Variants in INTS4 observed in about 807,000 individuals in gnomAD.
INTS4 encodes integrator complex subunit 4.
A neutral mutation model predicts 119.5 loss-of-function variants in INTS4; 70 were observed. The observed-to-expected ratio is 0.59, with a 90% confidence interval of 0.48 to 0.71. The LOEUF is 0.71. Ranked by LOEUF, INTS4 falls within the 30% of genes least tolerant of loss-of-function variation. The pLI, the probability that INTS4 is intolerant of heterozygous loss-of-function variation, is 0.00. For synonymous variants in INTS4, 316 were observed against 419.6 expected, an observed-to-expected ratio of 0.75 and a Z score of 3.02; for missense variants, 867 against 1,173.2, an observed-to-expected ratio of 0.74 and a Z score of 3.81.
chr11:77,941,458 C>CTTTTTTT (rs35544689), intron 8 of INTS4, among the ~76,000 whole-genome samples: 3 of 138,456 alleles, frequency 2.2e-5, no homozygotes, highest in Non-Finnish European at 1.5e-5. Flanking sequence ...ACCTACTGTG[C>CTTTTTTT]TTTTTTTTTT....
At chr11:77,900,114 T>C (rs1184585301) in intron 18 of INTS4, among the ~76,000 whole-genome samples, 18 of 147,694 alleles carry the variant, frequency 1.2e-4, no homozygotes, top group Non-Finnish European at 2.7e-4. Context: ...TTTTTTTTTA[T>C]ATAAAGATGG....
Position 77,928,383 on chromosome 11 carries a change from G to A in INTS4, c.1330C>T (p.Leu444Phe), listed in dbSNP as rs1953562462. The change falls in exon 11 of 23, where the codon CTC (leucine) becomes TTC (phenylalanine). Residue 444 changes from leucine (L) to phenylalanine (F), a missense_variant. Leu to Phe is a conservative substitution (Grantham distance 22). Transcript: ENST00000534064. Reference sequence around the variant, plus strand: ...ACAGTGTCAAGCTGATCTTCTCGGAGGGTGATGTTGTTAGAGATTTTTCTC... The same window carrying A: ...ACAGTGTCAAGCTGATCTTCTCGGAAGGTGATGTTGTTAGAGATTTTTCTC... ...TMRKISNNIT[L>F]REDQLDTVLA... 3 of 1,613,142 alleles carry A rather than the reference G, an allele frequency of 1.9e-6. No homozygotes were observed. The highest frequency in any genetic ancestry group is 1.7e-6 in the Non-Finnish European group (2 of 1,179,430).
In INTS4 at chr11:77,940,634, G is replaced by A. The variant is rs528353107; in HGVS notation, c.990+546C>T. ...GGTTTTCTGGGGTTTTTTGGTTGTT[G>A]TTTTTTGGGTTTTGTTTTTTGAGAC... On this transcript the variant is annotated intron_variant, in intron 9 of 22. Transcript: ENST00000534064. Among the ~76,000 whole-genome samples, 5 of 152,120 alleles carry A rather than the reference G, an allele frequency of 3.3e-5. No individual in the cohort carries two copies. The East Asian group carries it at 7.7e-4, about 24-fold the overall frequency.
intron 10 of INTS4, among the ~76,000 whole-genome samples, chr11:77,933,102 GT>G (rs1953695870): frequency 6.6e-6 from 1 of 151,994 alleles, no homozygotes; most frequent in East Asian, 1.9e-4. Flanking sequence ...GAACTCAAAA[GT>G]ATAAAAAAAA....
chr11:77,901,025 A>G (rs1952761811), intron 18 of INTS4, among the ~76,000 whole-genome samples: 1 of 152,236 alleles, frequency 6.6e-6, no homozygotes. Flanking sequence ...TTCCCAGTAC[A>G]TCCTCTTAAT....
chr11:77,937,859 T>TTTATTTA (rs1953838771), intron 10 of INTS4, among the ~76,000 whole-genome samples: 1 of 129,408 alleles, frequency 7.7e-6, no homozygotes, highest in Non-Finnish European at 1.7e-5. Context: ...TTATTTATTT[T>TTTATTTA]TTGAGACAGA....
At chr11:77,927,960 A>G (rs560098229) in intron 11 of INTS4, among the ~76,000 whole-genome samples, 67 of 152,218 alleles carry the variant, frequency 4.4e-4, no homozygotes, top group African/African-American at 1.6e-3. Flanking sequence ...TTCTCCTTTA[A>G]AAAAGATGCA....
At position 77,935,903 on chromosome 11, in the gene INTS4, A is replaced by AAAAAAAAAGAAAAGAAAGAGAG. The variant is rs371708032; in HGVS notation, c.1165+2747_1165+2748insCTCTCTTTCTTTTCTTTTTTTT. ...AGAGCAAGATCCTGTCTCAAAAAAA[A>AAAAAAAAAGAAAAGAAAGAGAG]AAAAAAGAAAAGAAGAGGTTTTGCG... On this transcript the variant is annotated intron_variant, in intron 10 of 22. Transcript: ENST00000534064. 1.9e-3 allele frequency among the ~76,000 whole-genome samples: 161 copies of AAAAAAAAAGAAAAGAAAGAGAG among 86,978 alleles called. 6 individuals carry two copies. Among genetic ancestry groups the AAAAAAAAAGAAAAGAAAGAGAG allele is most frequent in the African/African-American group, 8.3e-3 (152 of 18,260 alleles). 57.1% of individuals were successfully genotyped at this position (86,978 alleles called of 152,430 possible).
At chr11:77,960,869 C>T in intron 5 of INTS4, 84 bp downstream of exon 5, 2 of 1,211,854 alleles carry the variant, frequency 1.7e-6, no homozygotes, top group Non-Finnish European at 1.2e-6. Context: ...GAAGAATTTA[C>T]AATGTATCCA....
At chr11:77,914,242 A>G (rs956862518) in intron 15 of INTS4, among the ~76,000 whole-genome samples, 5 of 152,204 alleles carry the variant, frequency 3.3e-5, no homozygotes, top group Non-Finnish European at 7.3e-5. Flanking sequence ...ACTGCCTAGC[A>G]AGACTATCAT....
chr11:77,881,869 C>T (rs899789847), intron 22 of INTS4, among the ~76,000 whole-genome samples: 1 of 151,262 alleles, frequency 6.6e-6, no homozygotes, highest in Non-Finnish European at 1.5e-5. Context: ...GACTGGGTAG[C>T]GACCATTCAG....
At chr11:77,920,154 T>TATACACACATATATATACATATAC (rs1555026335) in intron 14 of INTS4, among the ~76,000 whole-genome samples, 21 of 123,354 alleles carry the variant, frequency 1.7e-4, no homozygotes, top group Non-Finnish European at 3.3e-4. Flanking sequence ...ACCATATATA[T>TATACACACATATATATACATATAC]ATATACACAT....
chr11:77,914,184 A>T (rs1283616501), intron 15 of INTS4, among the ~76,000 whole-genome samples: 1 of 152,166 alleles, frequency 6.6e-6, no homozygotes, highest in African/African-American at 2.4e-5. Flanking sequence ...ATACACACTC[A>T]AGCTAGAAAC....
chr11:77,987,183 T>C (rs1387789001), intron 2 of INTS4: 1 of 152,284 alleles, frequency 6.6e-6, no homozygotes, highest in African/African-American at 2.4e-5. Context: ...AATGGGTACA[T>C]GGGAATTAAT....
chr11:77,881,475 C>T (rs1456420669), intron 22 of INTS4, among the ~76,000 whole-genome samples: 3 of 152,200 alleles, frequency 2.0e-5, no homozygotes, highest in Admixed American at 1.3e-4. Context: ...CCGGAAGGGA[C>T]ATAGCACAGT....
chr11:77,878,345 C>A (rs191718687), downstream of INTS4, among the ~76,000 whole-genome samples: 2 of 148,384 alleles, frequency 1.3e-5, no homozygotes, highest in East Asian at 3.9e-4. Context: ...CTGAGCGACA[C>A]AGCAAGACTC....
chr11:77,991,557 C>CTT (rs368378022), intron 1 of INTS4, among the ~76,000 whole-genome samples: 300 of 148,214 alleles, frequency 2.0e-3, no homozygotes, highest in African/African-American at 7.0e-3. Flanking sequence ...AATAGGTATA[C>CTT]TTTTTTTTTT....
chr11:77,900,354 C>T (rs895797369), intron 18 of INTS4, among the ~76,000 whole-genome samples: 8 of 152,156 alleles, frequency 5.3e-5, no homozygotes, highest in African/African-American at 1.9e-4. Context: ...CCACCTTGGC[C>T]TCCCAAAGTG....
At chr11:77,972,362 G>C (rs922684240) in intron 4 of INTS4, among the ~76,000 whole-genome samples, 2 of 151,912 alleles carry the variant, frequency 1.3e-5, no homozygotes, top group Non-Finnish European at 2.9e-5. Context: ...GCCTCCCAAA[G>C]TAGTGGGATT....
Sources: gnomAD v4.1 joint callset for allele counts (sites outside exome capture counted in the v4.1 genomes callset) on GRCh38, gnomAD v4.1.1 for gene constraint, MANE v1.5 for transcripts, NCBI Gene and HGNC (gene_info 2026-07-23, HGNC 2026-07-21) for gene names.